Variants in ARMC9 observed in about 807,000 individuals in gnomAD.
ARMC9 encodes the protein lisH domain-containing protein ARMC9.
Under a neutral mutation model 107.0 loss-of-function variants are expected in ARMC9, and 94 were observed. That is an observed-to-expected ratio of 0.88 (90% CI 0.74 to 1.04). The LOEUF is 1.04. ARMC9 is among the 50% of genes least tolerant of loss of function. ARMC9 has a pLI of 0.00. For synonymous variants in ARMC9, 380 were observed against 396.9 expected, an observed-to-expected ratio of 0.96 and a Z score of 0.51; for missense variants, 942 against 1,030.1, an observed-to-expected ratio of 0.91 and a Z score of 1.17.
intron 5 of ARMC9, among the ~76,000 whole-genome samples, chr2:231,218,584 A>G (rs1450232762): frequency 6.6e-6 from 1 of 152,194 alleles, no homozygotes; most frequent in Non-Finnish European, 1.5e-5. Flanking sequence ...TGACTCACTC[A>G]GATTTGGTGT....
chr2:231,274,750 A>C (rs1395652046), intron 14 of ARMC9, among the ~76,000 whole-genome samples: 1 of 152,138 alleles, frequency 6.6e-6, no homozygotes, highest in Non-Finnish European at 1.5e-5. Flanking sequence ...AATAACCAGA[A>C]GCCTACAAAG....
At chr2:231,202,319 CTTTTTTTTTT>C in intron 1 of ARMC9, among the ~76,000 whole-genome samples, 1 of 123,890 alleles carries the variant, frequency 8.1e-6, no homozygotes, top group East Asian at 2.3e-4. Flanking sequence ...TCTTGTTTCA[CTTTTTTTTTT>C]TTTTTTTTTT....
rs1010121287 is a variant in ARMC9 at position 231,376,435 on chromosome 2, C to T, written c.*4900C>T. ...TGAACTGGCCCCCCTCCCCCGGGGG[C>T]GTGGTCGTCTCTTATGGTCGAGGCT... On this transcript the variant is annotated 3_prime_UTR_variant, in exon 25 of 25. Coordinates refer to ENST00000611582, the MANE Select transcript of ARMC9 (RefSeq NM_001352754.2). Among the ~76,000 whole-genome samples the T allele has an allele frequency of 6.6e-6, 1 of 152,090 alleles. No individual in the cohort carries two copies. The highest frequency in any genetic ancestry group is 2.4e-5 in the African/African-American group (1 of 41,406).
At chr2:231,264,156 T>G (rs1310254152) in intron 12 of ARMC9, among the ~76,000 whole-genome samples, 1 of 152,208 alleles carries the variant, frequency 6.6e-6, no homozygotes, top group African/African-American at 2.4e-5. Context: ...CTTCCTCAAG[T>G]CATTATATGT....
At chr2:231,270,743 CT>C (rs1230027111) in intron 12 of ARMC9, 24 of 643,932 alleles carry the variant, frequency 3.7e-5, no homozygotes, top group Non-Finnish European at 6.8e-5. Flanking sequence ...AGTCACTGTT[CT>C]GAGGGCTTCG....
rs1013709935 is a variant in ARMC9, at chr2:231,255,460, A to G, written c.880-1126A>G. 2.0e-5 allele frequency among the ~76,000 whole-genome samples: 3 copies of G among 152,252 alleles called. No homozygotes were observed. The highest frequency in any genetic ancestry group is 2.0e-4 in the Admixed American group (3 of 15,282). On this transcript the variant is annotated intron_variant, in intron 9 of 24. Transcript: ENST00000611582. This position sits in a 1 kb window ranked among gnomAD's most constrained non-coding sequence, Gnocchi z 4.7. The stretch of plus-strand genomic sequence containing the variant: ...TTTGTTCTTCACAATGTATTTAACT[A>G]GGCAGTTTGAAATGCCCCTGGGAGT...
At chr2:231,351,533 A>ATCATTTTAG (rs2045081997) in intron 21 of ARMC9, among the ~76,000 whole-genome samples, 1 of 152,160 alleles carries the variant, frequency 6.6e-6, no homozygotes, top group Non-Finnish European at 1.5e-5. Context: ...AATTATGATC[A>ATCATTTTAG]TCATTTTAGT....
At position 231,206,183 on chromosome 2, in the gene ARMC9, A is replaced by T; in HGVS notation, c.-41-15A>T. 6.7e-7 allele frequency: 1 copy of T among 1,484,730 alleles called. No homozygotes were observed. Among genetic ancestry groups the T allele is most frequent in the South Asian group, 1.1e-5 (1 of 88,170 alleles). The allele number at this position is 1,484,730 out of a possible 1,614,324, so 92.0% of individuals were successfully genotyped here. On this transcript the variant is annotated splice_polypyrimidine_tract_variant and intron_variant, in intron 1 of 24. Coordinates refer to ENST00000611582, the MANE Select transcript of ARMC9 (RefSeq NM_001352754.2). ...GTTGAAATGAAAGCTGTTGTCTTGT[A>T]TTTTTGCCTTCTAGAGATTTTTGCT...
Position 231,291,385 on chromosome 2 carries a change from A to G in ARMC9, c.1659A>G (p.Lys553=). ...GMEDILRCFI[K]EGNAEMIRQI... is the part of the protein sequence containing the mutation. Reference sequence around the variant, plus strand: ...AAGACATCCTACGCTGCTTCATCAAAGAAGGCAATGCTGAAATGATCCGCC... The same window carrying G: ...AAGACATCCTACGCTGCTTCATCAAGGAAGGCAATGCTGAAATGATCCGCC... Residue 553 remains lysine, a synonymous_variant, in exon 18 of 25, where the codon AAA becomes AAG. Transcript: ENST00000611582. The G allele has an allele frequency of 6.2e-7, 1 of 1,613,848 alleles. No individual in the cohort carries two copies. The highest frequency in any genetic ancestry group is 1.3e-5 in the African/African-American group (1 of 75,070).
chr2:231,339,099 G>A (rs1289192355), intron 20 of ARMC9, among the ~76,000 whole-genome samples: 1 of 152,212 alleles, frequency 6.6e-6, no homozygotes, highest in Non-Finnish European at 1.5e-5. Flanking sequence ...GGAGGCCAAG[G>A]CGGGCAGATC....
chr2:231,322,508 G>A (rs910422171), intron 19 of ARMC9, among the ~76,000 whole-genome samples: 1 of 152,210 alleles, frequency 6.6e-6, no homozygotes, highest in Non-Finnish European at 1.5e-5. Flanking sequence ...CTATCTGTAA[G>A]AATCTGAGTT....
intron 10 of ARMC9, among the ~76,000 whole-genome samples, chr2:231,257,969 C>T (rs1325199669): frequency 6.6e-6 from 1 of 152,010 alleles, no homozygotes; most frequent in African/African-American, 2.4e-5. Flanking sequence ...TCTGGCTGAC[C>T]GAAGGTGGGT....
At chr2:231,313,454 T>C (rs963437549) in intron 19 of ARMC9, among the ~76,000 whole-genome samples, 1 of 152,252 alleles carries the variant, frequency 6.6e-6, no homozygotes, top group Non-Finnish European at 1.5e-5. Flanking sequence ...TTTAGTGTGT[T>C]CACATTTTTG....
chr2:231,329,166 A>G (rs1257001994), intron 19 of ARMC9, among the ~76,000 whole-genome samples: 3 of 151,498 alleles, frequency 2.0e-5, no homozygotes, highest in Non-Finnish European at 1.5e-5. Flanking sequence ...TTTTAGAATA[A>G]TCTTACTTAT....
At chr2:231,209,623 C>T (rs1221063428) in intron 3 of ARMC9, among the ~76,000 whole-genome samples, 1 of 152,112 alleles carries the variant, frequency 6.6e-6, no homozygotes, top group Non-Finnish European at 1.5e-5. Context: ...GCAACCCCCG[C>T]CTCCTGGGTT....
At chr2:231,307,643 C>G (rs1177283591) in intron 19 of ARMC9, among the ~76,000 whole-genome samples, 1 of 152,174 alleles carries the variant, frequency 6.6e-6, no homozygotes, top group East Asian at 1.9e-4. Flanking sequence ...GACTCTGGGC[C>G]TGAAGGAGTT....
chr2:231,275,114 G>A (rs921107401), intron 14 of ARMC9, among the ~76,000 whole-genome samples: 5 of 152,142 alleles, frequency 3.3e-5, no homozygotes, highest in African/African-American at 1.2e-4. Flanking sequence ...TTTTTGTTCT[G>A]TAAATGTGCT....
In ARMC9 at chr2:231,206,254, G is replaced by A; in HGVS notation, c.16G>A (p.Ala6Thr). 6.2e-7 allele frequency: 1 copy of A among 1,613,716 alleles called. No homozygotes were observed. Among genetic ancestry groups the A allele is most frequent in the Non-Finnish European group, 8.5e-7 (1 of 1,179,750 alleles). MGDIL[A>T]HESELLGLVK... is the part of the protein sequence containing the mutation. ...ACAGTTCAATATGGGGGACATTCTG[G>A]CTCATGAATCTGAATTACTTGGACT... The change falls in exon 2 of 25, where the codon GCT becomes ACT. Residue 6 changes from alanine to threonine, a missense_variant. Physicochemically the swap from Ala to Thr is moderately conservative, Grantham distance 58. Coordinates refer to ENST00000611582, the MANE Select transcript of ARMC9 (RefSeq NM_001352754.2).
intron 6 of ARMC9, among the ~76,000 whole-genome samples, chr2:231,225,958 G>A (rs986750546): frequency 3.3e-5 from 5 of 152,214 alleles, no homozygotes; most frequent in Non-Finnish European, 7.3e-5. Flanking sequence ...CCAGGTTCAA[G>A]CGATTCTCCT....
Sources: gnomAD v4.1 joint callset for allele counts (sites outside exome capture counted in the v4.1 genomes callset) on GRCh38, gnomAD v4.1.1 for gene constraint, Gnocchi (gnomAD v3.1) non-coding constraint, MANE v1.5 for transcripts, NCBI Gene and HGNC (gene_info 2026-07-23, HGNC 2026-07-21) for gene names.